MGAM2: variants seen among roughly 807,000 people sequenced by gnomAD.
MGAM2 encodes maltase-glucoamylase 2 (putative).
In MGAM2, 98 loss-of-function variants were observed where a neutral mutation model predicts 96.1. The ratio of observed to expected loss-of-function variants is 1.02; its 90% confidence interval spans 0.87 to 1.21. The LOEUF (loss-of-function observed/expected upper bound fraction) is 1.21, where lower values mean the gene tolerates loss of function less well. MGAM2 is among the 50% of genes most tolerant of loss of function. The probability of loss-of-function intolerance (pLI) is 0.00; values close to 1 mark genes in which losing one functional copy is unlikely to be tolerated. For synonymous variants in MGAM2, 749 were observed against 414.8 expected (o/e 1.81, Z -9.79); for missense variants, 2,055 against 1,182.4 (o/e 1.74, Z -10.82).
intron 10 of MGAM2, among the ~76,000 whole-genome samples, chr7:142,140,011 G>A (rs1795173453): frequency 6.6e-6 from 1 of 152,128 alleles, no homozygotes; most frequent in African/African-American, 2.4e-5. Flanking sequence ...TGCCACTTTG[G>A]GCAACAGGCC....
chr7:142,168,938 A>G (rs1796110554), intron 26 of MGAM2, among the ~76,000 whole-genome samples: 1 of 152,172 alleles, frequency 6.6e-6, no homozygotes, highest in Admixed American at 6.6e-5. Context: ...TGGCTTGTGG[A>G]CAGCACCTTG....
At chr7:142,159,819 G>A (rs951624117) in intron 20 of MGAM2, among the ~76,000 whole-genome samples, 1 of 152,168 alleles carries the variant, frequency 6.6e-6, no homozygotes, top group Non-Finnish European at 1.5e-5. Context: ...AACTGGAGTA[G>A]GTTTATGGAA....
chr7:142,150,014 A>T, intron 15 of MGAM2, among the ~76,000 whole-genome samples: 1 of 150,788 alleles, frequency 6.6e-6, no homozygotes, highest in East Asian at 2.0e-4. Flanking sequence ...CGATCTCAGC[A>T]CAATGAAACC....
chr7:142,207,708 C>A (rs750426554), intron 45 of MGAM2, among the ~76,000 whole-genome samples: 2 of 152,076 alleles, frequency 1.3e-5, no homozygotes, highest in Non-Finnish European at 2.9e-5. Context: ...GGATTACAGT[C>A]GTGAGCCACC....
intron 29 of MGAM2, 62 bp from the exon 30 acceptor site, chr7:142,172,590 T>C (rs1796230430): frequency 1.6e-6 from 1 of 621,964 alleles, no homozygotes; most frequent in Non-Finnish European, 2.9e-6. Flanking sequence ...TTAGAGCAGG[T>C]TTTCTATCTG....
In MGAM2 at chr7:142,171,349, T is replaced by C; in HGVS notation, c.3260T>C (p.Ile1087Thr). The C allele has an allele frequency of 1.4e-6, 1 of 703,050 alleles. No homozygotes were observed. Among genetic ancestry groups the C allele is most frequent in the South Asian group, 1.5e-5 (1 of 67,590 alleles). 43.6% of individuals were successfully genotyped at this position (703,050 alleles called of 1,614,324 possible). A position where few individuals can be genotyped will look rare whatever the true frequency, so the allele number is the denominator to read the frequency against. ...TCTACGCGTCTGCCGTCCCAGTACA[T>C]CTATGGCTTTGGGGAAACTGAGCAC... Reference protein sequence around the residue: ...SISTRLPSQYIYGFGETEHTT... With the variant: ...SISTRLPSQYTYGFGETEHTT... The change falls in exon 28 of 48, where the codon ATC becomes ACC. Residue 1087 changes from isoleucine (I) to threonine (T), a missense_variant. Transcript: ENST00000477922.
At chr7:142,172,241 C>A in intron 29 of MGAM2, 47 bp downstream of exon 29, 1 of 681,474 alleles carries the variant, frequency 1.5e-6, no homozygotes. Flanking sequence ...ACAGCTGTGA[C>A]CGCTCTATTT....
At chr7:142,189,875 T>A (rs1796816522) in intron 37 of MGAM2, among the ~76,000 whole-genome samples, 2 of 152,232 alleles carry the variant, frequency 1.3e-5, no homozygotes, top group African/African-American at 4.8e-5. Context: ...CTATGTGGAT[T>A]GCCTATTCTG....
chr7:142,197,032 G>A (rs1563289403), intron 40 of MGAM2, among the ~76,000 whole-genome samples: 1 of 152,152 alleles, frequency 6.6e-6, no homozygotes, highest in Admixed American at 6.5e-5. Flanking sequence ...TACCCATGAG[G>A]AAAGGTTTTT....
At chr7:142,201,990 TAAA>T in intron 45 of MGAM2, among the ~76,000 whole-genome samples, 1 of 11,116 alleles carries the variant, frequency 9.0e-5, no homozygotes, top group South Asian at 1.5e-3. Context: ...AAAAAGCAAT[TAAA>T]GCAATTAATT....
At chr7:142,178,448 C>A (rs775215921) in intron 32 of MGAM2, among the ~76,000 whole-genome samples, 14 of 151,966 alleles carry the variant, frequency 9.2e-5, no homozygotes, top group Non-Finnish European at 1.9e-4. Context: ...ATGTCAAGAA[C>A]ATTTCCTAGA....
At chr7:142,197,589 T>C in intron 41 of MGAM2, 41 bp downstream of exon 41, 1 of 703,070 alleles carries the variant, frequency 1.4e-6, no homozygotes, top group Non-Finnish European at 2.6e-6. Context: ...TTGCAAATAA[T>C]CCTCTGTAGC....
chr7:142,220,388 T>C lies in MGAM2; in HGVS notation c.5877T>C (p.Asp1959=). 1 of 702,654 alleles carries C rather than the reference T, an allele frequency of 1.4e-6. No homozygotes were observed. The allele number at this position is 702,654 out of a possible 1,614,324, so 43.5% of individuals were successfully genotyped here. ...IGVTTNATVP[D]TTAPFPTNTT... ...TTACAACTAATGCTACTGTTCCCGA[T>C]ACAACTGCCCCTTTCCCAACAAATA... The change falls in exon 48 of 48, where the codon GAT becomes GAC. Residue 1959 remains aspartate (D), a synonymous_variant. Transcript: ENST00000477922.
intron 36 of MGAM2, 26 bp from the exon 37 acceptor site, chr7:142,189,340 AG>A: frequency 3.0e-6 from 2 of 655,806 alleles, no homozygotes; most frequent in South Asian, 3.3e-5. Context: ...CATGTTGTTT[AG>A]GAAATAACTC....
At chr7:142,197,364 A>T in intron 40 of MGAM2, 36 bp from the exon 41 acceptor site, 1 of 698,488 alleles carries the variant, frequency 1.4e-6, no homozygotes, top group Non-Finnish European at 2.6e-6. Flanking sequence ...GGAATGAAGA[A>T]GAGGTGATCC....
intron 9 of MGAM2, 144 bp from the exon 10 acceptor site, chr7:142,138,398 T>C (rs1346670448): frequency 1.7e-6 from 1 of 575,736 alleles, no homozygotes; most frequent in Non-Finnish European, 3.1e-6. Flanking sequence ...ATGTACTTAG[T>C]AAAGAAGGAT....
chr7:142,155,228 C>A (rs1249476615), intron 17 of MGAM2, among the ~76,000 whole-genome samples: 5 of 152,166 alleles, frequency 3.3e-5, no homozygotes, highest in Admixed American at 3.3e-4. Context: ...TTTAAAGAGG[C>A]TTAGGCCAGT....
At chr7:142,210,732 C>T (rs1032250382) in intron 46 of MGAM2, among the ~76,000 whole-genome samples, 2 of 152,232 alleles carry the variant, frequency 1.3e-5, no homozygotes, top group Admixed American at 6.5e-5. Context: ...GGGACAGACA[C>T]CTGGGGGAAG....
chr7:142,135,648 C>G (rs1795034317), intron 7 of MGAM2, among the ~76,000 whole-genome samples: 1 of 151,720 alleles, frequency 6.6e-6, no homozygotes, highest in African/African-American at 2.4e-5. Flanking sequence ...GATGATGATA[C>G]TGTCACACAG....
Sources: gnomAD v4.1 joint callset for allele counts (sites outside exome capture counted in the v4.1 genomes callset) on GRCh38, gnomAD v4.1.1 for gene constraint, MANE v1.5 for transcripts, NCBI Gene and HGNC (gene_info 2026-07-23, HGNC 2026-07-21) for gene names.